Variants in NIN observed in about 807,000 individuals in gnomAD.
NIN encodes glycogen synthase kinase 3 beta-interacting protein.
A neutral mutation model predicts 257.6 loss-of-function variants in NIN; 137 were observed. That is an observed-to-expected ratio of 0.53 (90% confidence interval 0.46 to 0.61). The LOEUF is 0.61. NIN is among the 20% of genes least tolerant of loss of function. The probability of loss-of-function intolerance (pLI) is 0.00; values close to 1 mark genes in which losing one functional copy is unlikely to be tolerated. For missense variants in NIN, 2,439 were observed against 2,501.2 expected, an observed-to-expected ratio of 0.98 and a Z score of 0.53; for synonymous variants, 918 against 919.8, an observed-to-expected ratio of 1.00 and a Z score of 0.04.
At chr14:50,771,135 C>A (rs1397883419) in intron 10 of NIN, 143 bp from the exon 11 acceptor site, 2 of 1,186,218 alleles carry the variant, frequency 1.7e-6, no homozygotes, top group East Asian at 2.5e-5. Flanking sequence ...GCACTCCACC[C>A]TTCCCTTCAA....
In NIN at chr14:50,726,357, G is replaced by T. The variant is rs1321533641; in HGVS notation, c.6079-291C>A. ...AAAACCCATAATTTAATACCTGTGA[G>T]TACCTCTAGTAAAATGGACATCCAA... On this transcript the variant is annotated intron_variant, in intron 29 of 30. Coordinates refer to ENST00000530997, the MANE Select transcript of NIN (RefSeq NM_020921.4). The T allele has an allele frequency of 1.0e-5, 3 of 297,748 alleles. No homozygotes were observed. The East Asian group carries it at 1.7e-4, about 17-fold the overall frequency. The allele number at this position is 297,748 out of a possible 1,614,324, so 18.4% of individuals were successfully genotyped here.
chr14:50,757,851 A>C lies in NIN; in HGVS notation c.3179T>G (p.Leu1060Trp), dbSNP rs1022377042. Residue 1060 changes from leucine to tryptophan, a missense_variant, in exon 18 of 31, where the codon TTG (leucine) becomes TGG (tryptophan). By Grantham distance (61) the Leu-to-Trp change is moderately conservative (BLOSUM62 -2). This residue lies in a region of NIN where 2,043 missense variants were observed against 2,050.2 expected (regional missense o/e 1.00). Transcript: ENST00000530997. ...LSLLQQGEQLLEENGDVLLSL... is the reference protein window; with the variant it reads ...LSLLQQGEQLWEENGDVLLSL... ...TAAGAGGACGTCCCCATTTTCTTCC[A>C]ACAGCTGCTCCCCTTGCTGAAGCAG... is the stretch of plus-strand genomic sequence containing the variant. 8 of 1,614,086 alleles carry C rather than the reference A, an allele frequency of 5.0e-6. No homozygotes were observed. Among genetic ancestry groups the C allele is most frequent in the Non-Finnish European group, 6.8e-6 (8 of 1,180,018 alleles).
chr14:50,766,951 T>A (rs970162629), intron 12 of NIN, 61 bp from the exon 13 acceptor site: 2 of 1,084,970 alleles, frequency 1.8e-6, no homozygotes, highest in Non-Finnish European at 2.8e-6. Flanking sequence ...ACTGTGGTAC[T>A]ATTTTATATA....
At chr14:50,782,336 A>G (rs529756554) in intron 5 of NIN, among the ~76,000 whole-genome samples, 1 of 152,348 alleles carries the variant, frequency 6.6e-6, no homozygotes, top group East Asian at 1.9e-4. Flanking sequence ...AAATATGTAC[A>G]TGATAGCACT....
intron 29 of NIN, among the ~76,000 whole-genome samples, chr14:50,726,770 A>G (rs2040428161): frequency 6.6e-6 from 1 of 152,176 alleles, no homozygotes; most frequent in Non-Finnish European, 1.5e-5. Flanking sequence ...TTAGAATGCA[A>G]TTGACTTATT....
chr14:50,772,562 G>T, intron 8 of NIN, 94 bp from the exon 9 acceptor site: 2 of 1,101,100 alleles, frequency 1.8e-6, no homozygotes, highest in Non-Finnish European at 1.4e-6. Context: ...TAGAAGGCAT[G>T]TTTCTCTAAT....
At chr14:50,731,033 G>T in intron 28 of NIN, 6 of 914,034 alleles carry the variant, frequency 6.6e-6, no homozygotes, top group Non-Finnish European at 9.4e-6. Context: ...AAAATTACAG[G>T]AGTTAGAGAA....
chr14:50,741,396 A>G (rs1359927232), intron 25 of NIN, among the ~76,000 whole-genome samples, 186 bp downstream of exon 25: 2 of 152,208 alleles, frequency 1.3e-5, no homozygotes, highest in African/African-American at 4.8e-5. Flanking sequence ...AGGGAACAAG[A>G]GAGAGCCTGC....
intron 5 of NIN, among the ~76,000 whole-genome samples, chr14:50,786,641 A>G (rs772151083): frequency 7.2e-5 from 11 of 152,238 alleles, no homozygotes; most frequent in Non-Finnish European, 1.6e-4. Context: ...CATTAAAAAA[A>G]AAAAAGTCCA....
chr14:50,728,496 C>G (rs2040525684), intron 29 of NIN, among the ~76,000 whole-genome samples: 1 of 152,176 alleles, frequency 6.6e-6, no homozygotes, highest in East Asian at 1.9e-4. Flanking sequence ...GTAGAAGAAA[C>G]AGAACTGTTC....
At position 50,753,407 on chromosome 14, in the gene NIN, A is replaced by G. The variant is rs571232645; in HGVS notation, c.4735-674T>C. On this transcript the variant is annotated intron_variant, in intron 20 of 30. Coordinates refer to ENST00000530997, the MANE Select transcript of NIN (RefSeq NM_020921.4). ...AAGAGCGAAACTCCGTCTCAAAAGG[A>G]AAAAAGACTCTTTCCAAGTCAGTGT... is the stretch of plus-strand genomic sequence containing the variant. Among the ~76,000 whole-genome samples the G allele has an allele frequency of 2.0e-5, 3 of 152,278 alleles. No individual in the cohort carries two copies. The East Asian group carries it at 5.8e-4, about 29-fold the overall frequency.
intron 28 of NIN, among the ~76,000 whole-genome samples, chr14:50,733,962 C>A (rs533196267): frequency 1.3e-5 from 2 of 152,268 alleles, no homozygotes; most frequent in South Asian, 2.1e-4. Flanking sequence ...TAGTGCTATA[C>A]GTTTGCCCAT....
At chr14:50,791,509 T>C (rs1231462828) in intron 5 of NIN, among the ~76,000 whole-genome samples, 1 of 152,114 alleles carries the variant, frequency 6.6e-6, no homozygotes, top group Non-Finnish European at 1.5e-5. Flanking sequence ...ATAACATTTC[T>C]GCCACTGCTG....
chr14:50,815,508 A>G (rs1364517617), intron 3 of NIN, among the ~76,000 whole-genome samples: 2 of 152,232 alleles, frequency 1.3e-5, no homozygotes, highest in Non-Finnish European at 2.9e-5. Flanking sequence ...TAGAGGCAGA[A>G]ATACCATTTG....
At chr14:50,762,261 A>C (rs942438549) in intron 15 of NIN, among the ~76,000 whole-genome samples, 1 of 152,162 alleles carries the variant, frequency 6.6e-6, no homozygotes, top group Non-Finnish European at 1.5e-5. Flanking sequence ...TAATAGCATG[A>C]GGTAGTTTGG....
chr14:50,760,057 CTG>C lies in NIN; in HGVS notation c.2197_2198del (p.Gln733GlyfsTer6), dbSNP rs774790799. 6.2e-7 allele frequency: 1 copy of C among 1,614,172 alleles called. No individual in the cohort carries two copies. The highest frequency in any genetic ancestry group is 1.1e-5 in the South Asian group (1 of 91,084). On this transcript the variant is annotated frameshift_variant, in exon 17 of 31. Coordinates refer to ENST00000530997, the MANE Select transcript of NIN (RefSeq NM_020921.4). LOFTEE classifies it high-confidence loss of function. The part of the protein sequence containing the change: ...HEMELKARLT[Q>X]AQASFERERE... ...TCTCCCGCTCAAAGCTTGCTTGAGC[CTG>C]TGTCAGTCTAGCCTTGAGCTCCATC...
At chr14:50,771,295 A>G (rs774403978) in intron 10 of NIN, 37 bp downstream of exon 10, 2 of 1,606,698 alleles carry the variant, frequency 1.2e-6, no homozygotes, top group East Asian at 2.2e-5. Flanking sequence ...ACAAGTAGGA[A>G]AGGGAATGGG....
chr14:50,785,576 G>C (rs1186647519), intron 5 of NIN, among the ~76,000 whole-genome samples: 1 of 152,210 alleles, frequency 6.6e-6, no homozygotes, highest in African/African-American at 2.4e-5. Context: ...CAAACAAACT[G>C]AGCTGTAGTG....
intron 12 of NIN, 33 bp downstream of exon 12, chr14:50,770,355 G>T: frequency 6.2e-7 from 1 of 1,602,184 alleles, no homozygotes; most frequent in South Asian, 1.1e-5. Flanking sequence ...TTCCCGGCAG[G>T]GACGCAGACC....
Sources: allele counts gnomAD v4.1 joint callset (sites outside exome capture counted in the v4.1 genomes callset), GRCh38; gene constraint gnomAD v4.1.1; regional missense constraint gnomAD v4.1.1; transcripts MANE v1.5; gene names NCBI Gene and HGNC (gene_info 2026-07-23, HGNC 2026-07-21).